The following AP1G1 variants were observed in gnomAD, a reference collection of about 807,000 sequenced individuals.
AP1G1 encodes AP-1 complex subunit gamma-1.
Under a neutral mutation model 108.3 loss-of-function variants are expected in AP1G1, and 7 were observed. The ratio of observed to expected loss-of-function variants is 0.06; its 90% confidence interval spans 0.04 to 0.12. AP1G1 has a LOEUF of 0.12. Among genes scored for constraint, AP1G1 ranks in the 10% least tolerant of loss-of-function variants. The pLI is 1.00. For synonymous variants in AP1G1, 379 were observed against 353.5 expected, an observed-to-expected ratio of 1.07 and a Z score of -0.81; for missense variants, 756 against 1,010.7, an observed-to-expected ratio of 0.75 and a Z score of 3.42.
intron 21 of AP1G1, among the ~76,000 whole-genome samples, chr16:71,736,946 C>T (rs1020595256): frequency 2.6e-5 from 4 of 151,974 alleles, no homozygotes; most frequent in African/African-American, 7.3e-5. Flanking sequence ...CTGTACAGTA[C>T]ACCACCAAAA....
chr16:71,784,670 T>G lies in AP1G1; in HGVS notation c.201+4609A>C, dbSNP rs185231734. On this transcript the variant is annotated intron_variant, in intron 2 of 22. Coordinates refer to ENST00000299980, the MANE Select transcript of AP1G1 (RefSeq NM_001128.6). The stretch of plus-strand genomic sequence containing the variant: ...ACCTTCCAGGTTCAAGTGATTCTCC[T>G]GCCTCAGCCTCCCAAGTAGCTGGGA... Among the ~76,000 whole-genome samples, 45 of 152,148 alleles carry G rather than the reference T, an allele frequency of 3.0e-4. No individual in the cohort carries two copies. The East Asian group carries it at 5.8e-3, about 20-fold the overall frequency.
intron 1 of AP1G1, among the ~76,000 whole-genome samples, chr16:71,789,898 C>T (rs1162773570): frequency 6.6e-6 from 1 of 152,020 alleles, no homozygotes; most frequent in Non-Finnish European, 1.5e-5. Flanking sequence ...CATAGCTCAA[C>T]AAAAATAAAT....
At position 71,758,316 on chromosome 16, in the gene AP1G1, A is replaced by AT. The variant is rs2030905488; in HGVS notation, c.1088+491_1088+492insA. The AT allele has an allele frequency of 3.6e-5, 16 of 443,602 alleles. No homozygotes were observed. In the Admixed American group the frequency reaches 3.8e-4, roughly 11 times the overall value. The allele number at this position is 443,602 out of a possible 1,614,324, so 27.5% of individuals were successfully genotyped here. On this transcript the variant is annotated intron_variant, in intron 11 of 22. Transcript: ENST00000299980. ...GAGATTTATGCTTTTTGAGAGTGCT[A>AT]CCTGCTGCCTAACAGTCATTTCAGG...
At chr16:71,798,857 T>C (rs185221473) in intron 1 of AP1G1, among the ~76,000 whole-genome samples, 200 of 150,712 alleles carry the variant, frequency 1.3e-3, no homozygotes, top group African/African-American at 4.8e-3. Flanking sequence ...CACTGCACTC[T>C]AGCCTGGGCG....
chr16:71,771,058 C>G (rs1201119868), intron 5 of AP1G1, 98 bp downstream of exon 5: 2 of 677,066 alleles, frequency 3.0e-6, no homozygotes, highest in East Asian at 3.1e-5. Context: ...AGAAACGCGA[C>G]TCCACTGTTC....
At chr16:71,754,825 G>C (rs1274687580) in intron 12 of AP1G1, among the ~76,000 whole-genome samples, 2 of 151,738 alleles carry the variant, frequency 1.3e-5, no homozygotes, top group Non-Finnish European at 2.9e-5. Context: ...AAAAAAAAGA[G>C]GGTACATAGT....
At position 71,792,406 on chromosome 16, in the gene AP1G1, C is replaced by T. The variant is rs113536184; in HGVS notation, c.-3-2924G>A. Among the ~76,000 whole-genome samples, 154 of 152,188 alleles carry T rather than the reference C, an allele frequency of 1.0e-3. 1 individual carries two copies. The highest frequency in any genetic ancestry group is 3.5e-3 in the African/African-American group (144 of 41,524). ...CTTCAGGAATTTTTACTTATTTCTA[C>T]CCTAGATATATAAGAAAGTCTATTC... On this transcript the variant is annotated intron_variant, in intron 1 of 22. Coordinates refer to ENST00000299980, the MANE Select transcript of AP1G1 (RefSeq NM_001128.6).
rs776135807 is a variant in AP1G1 at position 71,767,889 on chromosome 16, A to C, written c.642+1734T>G. The stretch of plus-strand genomic sequence containing the variant: ...GGTTAATTCTTACCTTTTCATTCTA[A>C]CATACAGCAGGATTCCAAACAGACA... On this transcript the variant is annotated intron_variant, in intron 6 of 22. Transcript: ENST00000299980. The C allele has an allele frequency of 4.4e-6, 7 of 1,599,242 alleles. No individual in the cohort carries two copies. The African/African-American group carries it at 9.3e-5, about 21-fold the overall frequency.
chr16:71,783,217 A>T (rs2032087895), intron 2 of AP1G1, among the ~76,000 whole-genome samples: 1 of 152,206 alleles, frequency 6.6e-6, no homozygotes, highest in Non-Finnish European at 1.5e-5. Context: ...GCAATAATGT[A>T]CTACCTGTAC....
At chr16:71,766,440 TTCATTTCTGTTGA>T in intron 6 of AP1G1, 1 of 469,142 alleles carries the variant, frequency 2.1e-6, no homozygotes, top group Non-Finnish European at 4.4e-6. Flanking sequence ...TGGCACTCAT[TTCATTTCTGTTGA>T]TCAATTACTT....
chr16:71,746,400 AATTT>A (rs1297472369), intron 17 of AP1G1, among the ~76,000 whole-genome samples, 184 bp downstream of exon 17: 3 of 152,242 alleles, frequency 2.0e-5, no homozygotes, highest in South Asian at 2.1e-4. Context: ...AAAGAGAGTT[AATTT>A]ATTTCTTTAG....
intron 19 of AP1G1, among the ~76,000 whole-genome samples, chr16:71,741,200 A>G (rs1194388576): frequency 6.6e-6 from 1 of 152,224 alleles, no homozygotes; most frequent in Non-Finnish European, 1.5e-5. Flanking sequence ...AACTATCACA[A>G]TGAAATAAAG....
At chr16:71,775,847 T>C (rs1411692154) in intron 2 of AP1G1, among the ~76,000 whole-genome samples, 2 of 152,244 alleles carry the variant, frequency 1.3e-5, no homozygotes, top group Non-Finnish European at 2.9e-5. Flanking sequence ...ATTTCTTCTT[T>C]ACATCATTGT....
At chr16:71,737,380 TTCAAGTGAGTCTCCCACCTCAGCC>T (rs1356034232) in intron 21 of AP1G1, among the ~76,000 whole-genome samples, 5 of 151,936 alleles carry the variant, frequency 3.3e-5, no homozygotes, top group Admixed American at 3.3e-4. Flanking sequence ...ACCTCCTGGG[TTCAAGTGAGTCTCCCACCTCAGCC>T]TCCTGAGTAG....
At chr16:71,777,678 C>T (rs1028872292) in intron 2 of AP1G1, 3 of 457,818 alleles carry the variant, frequency 6.6e-6, no homozygotes, top group South Asian at 3.2e-5. Flanking sequence ...CTCTTCAGCT[C>T]GGGCCCTTCA....
rs781004687 is a variant in AP1G1, at chr16:71,753,815, CT to C, written c.1284+17del. ...TATCCCAGCACTTCGTATATGCTGT[CT>C]GAAAGAAGCTACTTACCGTTGTCAA... On this transcript the variant is annotated intron_variant, in intron 13 of 22. Coordinates refer to ENST00000299980, the MANE Select transcript of AP1G1 (RefSeq NM_001128.6). 1.2e-6 allele frequency: 2 copies of C among 1,611,084 alleles called. No individual in the cohort carries two copies. Among genetic ancestry groups the C allele is most frequent in the South Asian group, 2.2e-5 (2 of 91,010 alleles).
At chr16:71,797,655 C>T (rs1490970460) in intron 1 of AP1G1, among the ~76,000 whole-genome samples, 1 of 152,014 alleles carries the variant, frequency 6.6e-6, no homozygotes, top group African/African-American at 2.4e-5. Context: ...AAAAATTAGC[C>T]GGGCGCAGTG....
At chr16:71,770,016 A>C (rs1377761780) in intron 5 of AP1G1, among the ~76,000 whole-genome samples, 1 of 152,210 alleles carries the variant, frequency 6.6e-6, no homozygotes, top group African/African-American at 2.4e-5. Flanking sequence ...GCTAGGTATG[A>C]TCTGTTCTAT....
chr16:71,753,215 C>T (rs2030600789), intron 13 of AP1G1, among the ~76,000 whole-genome samples: 1 of 152,164 alleles, frequency 6.6e-6, no homozygotes, highest in East Asian at 1.9e-4. Context: ...GAATAATAAA[C>T]ACAGAAACCC....
Sources: allele counts gnomAD v4.1 joint callset (sites outside exome capture counted in the v4.1 genomes callset), GRCh38; gene constraint gnomAD v4.1.1; transcripts MANE v1.5; gene names NCBI Gene and HGNC (gene_info 2026-07-23, HGNC 2026-07-21).